The following EPHB1 variants were observed in gnomAD, a reference collection of about 807,000 sequenced individuals.
EPHB1 encodes ephrin type-B receptor 1.
Under a neutral mutation model 94.4 loss-of-function variants are expected in EPHB1, and 30 were observed. That is an observed-to-expected ratio of 0.32 (90% CI 0.24 to 0.43). The LOEUF is 0.43. EPHB1 is among the 20% of genes least tolerant of loss of function. EPHB1 has a pLI of 1.00. For missense variants in EPHB1, 1,055 were observed against 1,308.3 expected, an observed-to-expected ratio of 0.81 and a Z score of 2.99; for synonymous variants, 522 against 489.1, an observed-to-expected ratio of 1.07 and a Z score of -0.89.
intron 1 of EPHB1, among the ~76,000 whole-genome samples, chr3:134,796,580 C>T (rs374973026): frequency 9.2e-5 from 14 of 152,220 alleles, no homozygotes; most frequent in Admixed American, 6.5e-4. Flanking sequence ...CCTGGGCGCT[C>T]GGTAGCGCTC....
chr3:134,862,751 G>A (rs6797902), intron 1 of EPHB1, among the ~76,000 whole-genome samples: 152,175 of 152,200 alleles, frequency 1, 76,075 homozygotes, highest in Non-Finnish European at 1. Flanking sequence ...CTTGGGCCCT[G>A]GAAACAAGAC....
intron 1 of EPHB1, among the ~76,000 whole-genome samples, chr3:134,903,542 C>T (rs909551207): frequency 6.6e-6 from 1 of 152,182 alleles, no homozygotes; most frequent in African/African-American, 2.4e-5. Context: ...CGCTGCTGCC[C>T]TTTCTGAGAA....
intron 1 of EPHB1, among the ~76,000 whole-genome samples, chr3:134,894,883 T>C (rs1160543571): frequency 1.3e-5 from 2 of 152,214 alleles, no homozygotes; most frequent in Non-Finnish European, 2.9e-5. Flanking sequence ...TGTTTTTCTG[T>C]GGTTTCTCTT....
At chr3:134,978,502 A>G (rs1221994929) in intron 3 of EPHB1, among the ~76,000 whole-genome samples, 2 of 152,006 alleles carry the variant, frequency 1.3e-5, no homozygotes, top group African/African-American at 4.8e-5. Flanking sequence ...ACTCGGTGCT[A>G]AGGGGTTCCC....
At chr3:135,041,088 G>C (rs1218404202) in intron 3 of EPHB1, among the ~76,000 whole-genome samples, 1 of 152,156 alleles carries the variant, frequency 6.6e-6, no homozygotes, top group Non-Finnish European at 1.5e-5. Context: ...TCCACCACCT[G>C]GGGCCTCTTC....
At chr3:134,921,706 A>G (rs1007457823) in intron 1 of EPHB1, among the ~76,000 whole-genome samples, 1 of 152,254 alleles carries the variant, frequency 6.6e-6, no homozygotes, top group Non-Finnish European at 1.5e-5. Flanking sequence ...AGATTTTGAC[A>G]TAGCTAAAGA....
chr3:134,835,127 G>T (rs2036650099), intron 1 of EPHB1, among the ~76,000 whole-genome samples: 1 of 152,214 alleles, frequency 6.6e-6, no homozygotes, highest in African/African-American at 2.4e-5. Flanking sequence ...AATTCTGTCA[G>T]AGGCCAGGTA....
chr3:135,046,021 T>C (rs1330469269), intron 3 of EPHB1, among the ~76,000 whole-genome samples: 1 of 152,218 alleles, frequency 6.6e-6, no homozygotes, highest in Non-Finnish European at 1.5e-5. Context: ...AAATAACATA[T>C]TACATCAGGC....
At chr3:135,181,741 T>C (rs1942157370) in intron 10 of EPHB1, among the ~76,000 whole-genome samples, 2 of 151,240 alleles carry the variant, frequency 1.3e-5, no homozygotes, top group South Asian at 4.2e-4. Context: ...TACTGGATAG[T>C]TACAATTTGG....
chr3:135,245,937 C>T (rs1054447869), intron 13 of EPHB1, among the ~76,000 whole-genome samples: 3 of 152,046 alleles, frequency 2.0e-5, no homozygotes, highest in Non-Finnish European at 4.4e-5. Context: ...TGCATGGGTC[C>T]CCATTCTCTT....
chr3:135,195,143 A>G (rs986373130), intron 11 of EPHB1, among the ~76,000 whole-genome samples: 4 of 151,888 alleles, frequency 2.6e-5, no homozygotes, highest in African/African-American at 9.7e-5. Context: ...CACTGTCAAG[A>G]CCCTTTTGGG....
intron 1 of EPHB1, among the ~76,000 whole-genome samples, chr3:134,915,574 T>C (rs1485244279): frequency 6.6e-6 from 1 of 152,048 alleles, no homozygotes; most frequent in Non-Finnish European, 1.5e-5. Context: ...TTGTGGTGAG[T>C]GTTACAGTTC....
intron 3 of EPHB1, among the ~76,000 whole-genome samples, chr3:135,021,850 T>C (rs1935997555): frequency 6.6e-6 from 1 of 152,188 alleles, no homozygotes; most frequent in East Asian, 1.9e-4. Flanking sequence ...GAAGAATATA[T>C]ATGTTTGGAA....
In EPHB1 at chr3:135,215,049, C is replaced by T. The variant is rs186085447; in HGVS notation, c.2346+13360C>T. 4.5e-3 allele frequency among the ~76,000 whole-genome samples: 691 copies of T among 152,274 alleles called. 10 individuals are homozygous for T. Among genetic ancestry groups the T allele is most frequent in the African/African-American group, 0.016 (658 of 41,544 alleles). On this transcript the variant is annotated intron_variant, in intron 12 of 15. Transcript: ENST00000398015. ...CTGGTGAACATGCTAGGACAAGTTC[C>T]GTCCTGGTCACAGCTTATATGAGTG...
rs539708066 is a variant in EPHB1 at position 135,136,122 on chromosome 3, G to A, written c.1297+3073G>A. Among the ~76,000 whole-genome samples the A allele has an allele frequency of 1.4e-3, 210 of 152,282 alleles. 1 individual carries two copies. Among genetic ancestry groups the A allele is most frequent in the Non-Finnish European group, 2.4e-3 (165 of 68,032 alleles). On this transcript the variant is annotated intron_variant, in intron 5 of 15. Coordinates refer to ENST00000398015, the MANE Select transcript of EPHB1 (RefSeq NM_004441.5). ...CCTTGTGGTGTTCTGTCCTAAAAGT[G>A]GACAGTACCTCTGGGCTCCCCATTT...
Position 134,940,796 on chromosome 3 carries a change from T to C in EPHB1, c.124-10575T>C, listed in dbSNP as rs138751814. 1.4e-4 allele frequency among the ~76,000 whole-genome samples: 22 copies of C among 152,372 alleles called. No homozygotes were observed. The East Asian group carries it at 2.7e-3, about 19-fold the overall frequency. ...TGTTTGTTCATGCTTTGGTTAACTC[T>C]AGTGGAATATAAGGTCCATGCGGAC... On this transcript the variant is annotated intron_variant, in intron 2 of 15. Coordinates refer to ENST00000398015, the MANE Select transcript of EPHB1 (RefSeq NM_004441.5).
intron 1 of EPHB1, chr3:134,841,373 C>T (rs1321835504): frequency 6.6e-6 from 1 of 152,142 alleles, no homozygotes. Flanking sequence ...CACTGTTGTC[C>T]CTCAAAGGCT....
intron 5 of EPHB1, 71 bp from the exon 6 acceptor site, chr3:135,154,081 C>A (rs1215517151): frequency 6.3e-6 from 10 of 1,596,262 alleles, no homozygotes; most frequent in Non-Finnish European, 8.6e-6. Context: ...TCCCTACGTA[C>A]CTCTGGAAGA....
intron 1 of EPHB1, among the ~76,000 whole-genome samples, chr3:134,861,201 T>TG (rs1436644212): frequency 2.0e-5 from 3 of 152,104 alleles, no homozygotes; most frequent in African/African-American, 2.4e-5. Context: ...ACATTAGTGT[T>TG]GGGGGGCAGG....
Sources: allele counts gnomAD v4.1 joint callset (sites outside exome capture counted in the v4.1 genomes callset), GRCh38; gene constraint gnomAD v4.1.1; transcripts MANE v1.5; gene names NCBI Gene and HGNC (gene_info 2026-07-23, HGNC 2026-07-21).